The following ADAM22 variants were observed in gnomAD, a reference collection of about 807,000 sequenced individuals.
The protein encoded by ADAM22 is disintegrin and metalloproteinase domain-containing protein 22.
In ADAM22, 65 loss-of-function variants were observed where a neutral mutation model predicts 144.6. That is an observed-to-expected ratio of 0.45 (90% CI 0.37 to 0.55). ADAM22 has a LOEUF of 0.55. Ranked by LOEUF, ADAM22 falls within the 20% of genes least tolerant of loss-of-function variation. The pLI is 0.00. For missense variants in ADAM22, 974 were observed against 1,184.9 expected, an observed-to-expected ratio of 0.82 and a Z score of 2.61; for synonymous variants, 391 against 412.6, an observed-to-expected ratio of 0.95 and a Z score of 0.63.
chr7:88,064,401 C>T (rs1810667694), intron 3 of ADAM22, among the ~76,000 whole-genome samples: 1 of 152,180 alleles, frequency 6.6e-6, no homozygotes, highest in Non-Finnish European at 1.5e-5. Flanking sequence ...AATTACCTTT[C>T]TGTCCTTCAG....
At chr7:88,053,543 C>G (rs1324039697) in intron 3 of ADAM22, among the ~76,000 whole-genome samples, 4 of 115,872 alleles carry the variant, frequency 3.5e-5, no homozygotes. Flanking sequence ...TTCAGGATAA[C>G]TCAAAAAAGA....
chr7:87,975,750 G>A (rs191886103), intron 2 of ADAM22, among the ~76,000 whole-genome samples: 65 of 152,240 alleles, frequency 4.3e-4, no homozygotes, highest in Non-Finnish European at 8.2e-4. Flanking sequence ...TGAATAACAC[G>A]TGGCCCTTGT....
intron 3 of ADAM22, among the ~76,000 whole-genome samples, chr7:88,034,589 G>A (rs1254614952): frequency 3.9e-5 from 6 of 152,140 alleles, no homozygotes; most frequent in African/African-American, 1.4e-4. Flanking sequence ...CCTAAGCCCA[G>A]CACAGCACTA....
intron 14 of ADAM22, 146 bp downstream of exon 14, chr7:88,136,177 C>A: frequency 7.5e-6 from 4 of 533,200 alleles, no homozygotes; most frequent in Non-Finnish European, 1.2e-5. Flanking sequence ...TTTATAAAAA[C>A]AATTGATGTC....
intron 3 of ADAM22, among the ~76,000 whole-genome samples, chr7:88,033,728 C>T (rs182279715): frequency 1.3e-5 from 2 of 152,244 alleles, no homozygotes; most frequent in African/African-American, 4.8e-5. Context: ...CCTGGTGCTC[C>T]ATTCTTCTGT....
In ADAM22 at chr7:87,982,670, CATATAT is replaced by C. The variant is rs3086405; in HGVS notation, c.323+4282_323+4287del. Among the ~76,000 whole-genome samples, 11 of 38,110 alleles carry C rather than the reference CATATAT, an allele frequency of 2.9e-4. No homozygotes were observed. The East Asian group carries it at 7.7e-3, about 27-fold the overall frequency. The allele number at this position is 38,110 out of a possible 152,430, so 25.0% of individuals were successfully genotyped here. ...ATTTATTCATCAGATTCAGTTATTA[CATATAT>C]ATATATATATATATATATATATAAT... On this transcript the variant is annotated intron_variant, in intron 3 of 31. Transcript: ENST00000413139.
chr7:88,114,152 G>A (rs774097194), intron 5 of ADAM22, among the ~76,000 whole-genome samples: 7 of 152,080 alleles, frequency 4.6e-5, no homozygotes, highest in Admixed American at 2.0e-4. Context: ...TAGGTCGGGC[G>A]TTCTCAGTAT....
chr7:88,179,103 T>G lies in ADAM22; in HGVS notation c.2469T>G (p.Ser823Arg). 6 of 1,300,148 alleles carry G rather than the reference T, an allele frequency of 4.6e-6. No homozygotes were observed. Among genetic ancestry groups the G allele is most frequent in the Non-Finnish European group, 6.7e-6 (6 of 899,942 alleles). The allele number at this position is 1,300,148 out of a possible 1,614,324, so 80.5% of individuals were successfully genotyped here. The change falls in exon 27 of 32, where the codon AGT becomes AGG. Residue 823 changes from serine (S) to arginine (R), a missense_variant. Physicochemically the swap from Ser to Arg is moderately radical, Grantham distance 110. Around this residue, in one of 2 missense-constraint regions of ADAM22, gnomAD observed 734 missense variants for 950.6 expected, o/e 0.77. Transcript: ENST00000413139. ...STCSITHYSI[S>R]QNISLFCSRS... Reference sequence around the variant, plus strand: ...GTTCCATCACACATTATTCCATTAGTCAGAACATTTCATTATTTTGCAGCA... The same window carrying G: ...GTTCCATCACACATTATTCCATTAGGCAGAACATTTCATTATTTTGCAGCA...
Position 88,007,126 on chromosome 7 carries a change from C to A in ADAM22, c.323+28714C>A, listed in dbSNP as rs536038862. ...ACCAATAACAGACAGAGAGTGAAAT[C>A]ATGAGTGAACTCCCATTTACAATTG... On this transcript the variant is annotated intron_variant, in intron 3 of 31. Transcript: ENST00000413139. Among the ~76,000 whole-genome samples, 4 of 152,304 alleles carry A rather than the reference C, an allele frequency of 2.6e-5. No homozygotes were observed. The East Asian group carries it at 7.7e-4, about 29-fold the overall frequency.
chr7:88,175,668 A>G (rs181935244), intron 26 of ADAM22, among the ~76,000 whole-genome samples: 1 of 152,346 alleles, frequency 6.6e-6, no homozygotes, highest in East Asian at 1.9e-4. Flanking sequence ...TAATCAGGCC[A>G]CCTACTGTGG....
At chr7:88,008,074 C>G (rs1794411043) in intron 3 of ADAM22, among the ~76,000 whole-genome samples, 2 of 152,130 alleles carry the variant, frequency 1.3e-5, no homozygotes, top group South Asian at 2.1e-4. Context: ...ACAGCCCCAT[C>G]AAAAAGTGGG....
At chr7:87,961,359 C>A (rs1847957185) in intron 2 of ADAM22, among the ~76,000 whole-genome samples, 1 of 152,188 alleles carries the variant, frequency 6.6e-6, no homozygotes, top group Non-Finnish European at 1.5e-5. Context: ...TATTTGGAAT[C>A]ATCTACATTT....
chr7:88,158,061 T>C lies in ADAM22; in HGVS notation c.1907+2055T>C, dbSNP rs554844101. Among the ~76,000 whole-genome samples the C allele has an allele frequency of 2.0e-4, 31 of 152,198 alleles. No homozygotes were observed. In the South Asian group the frequency reaches 6.0e-3, roughly 30 times the overall value. On this transcript the variant is annotated intron_variant, in intron 22 of 31. Transcript: ENST00000413139. Reference sequence around the variant, plus strand: ...CAAAATGAAAGGATGTGGGAAAATCTAGCAAGCAAATGGAAATCAGAAAAA... The same window carrying C: ...CAAAATGAAAGGATGTGGGAAAATCCAGCAAGCAAATGGAAATCAGAAAAA...
chr7:88,108,452 G>A (rs182432499), intron 5 of ADAM22, among the ~76,000 whole-genome samples, 194 bp downstream of exon 5: 1 of 151,888 alleles, frequency 6.6e-6, no homozygotes, highest in African/African-American at 2.4e-5. Context: ...AAATGGTCGG[G>A]CGTGGTGGCT....
At chr7:88,085,919 G>A (rs917822389) in intron 4 of ADAM22, among the ~76,000 whole-genome samples, 5 of 152,232 alleles carry the variant, frequency 3.3e-5, no homozygotes, top group Non-Finnish European at 7.3e-5. Context: ...GCTCACGCCT[G>A]TAATTCCAGC....
intron 11 of ADAM22, 59 bp downstream of exon 11, chr7:88,131,494 G>T: frequency 1.3e-6 from 2 of 1,535,458 alleles, no homozygotes; most frequent in Non-Finnish European, 1.8e-6. Context: ...ATGCTTTATT[G>T]TGACTGAAAT....
rs959048962 is a variant in ADAM22 at position 88,130,258 on chromosome 7, A to AT, written c.754-125dup. ...TCTGACATTGTTTTACAGACAACAC[A>AT]TTTTTACAGAAAAGATTTTTTTTTT... On this transcript the variant is annotated intron_variant, in intron 9 of 31. Transcript: ENST00000413139. 5.8e-6 allele frequency: 4 copies of AT among 693,908 alleles called. No homozygotes were observed. The African/African-American group carries it at 7.4e-5, about 13-fold the overall frequency. The allele number at this position is 693,908 out of a possible 1,614,324, so 43.0% of individuals were successfully genotyped here. A position where few individuals can be genotyped will look rare whatever the true frequency, so the allele number is the denominator to read the frequency against.
chr7:88,098,345 T>G (rs1302529716), intron 4 of ADAM22, among the ~76,000 whole-genome samples: 1 of 152,114 alleles, frequency 6.6e-6, no homozygotes, highest in African/African-American at 2.4e-5. Context: ...GAACCAAGCT[T>G]CTTAAAAGGA....
intron 5 of ADAM22, among the ~76,000 whole-genome samples, chr7:88,110,265 T>A (rs1172576104): frequency 4.6e-5 from 7 of 152,148 alleles, no homozygotes; most frequent in African/African-American, 7.2e-5. Flanking sequence ...GACAAGCACA[T>A]CTGTCACCTA....
Sources: allele counts gnomAD v4.1 joint callset (sites outside exome capture counted in the v4.1 genomes callset), GRCh38; gene constraint gnomAD v4.1.1; regional missense constraint gnomAD v4.1.1; transcripts MANE v1.5; gene names NCBI Gene and HGNC (gene_info 2026-07-23, HGNC 2026-07-21).